The following MAP3K4 variants were observed in gnomAD, a reference collection of about 807,000 sequenced individuals.
MAP3K4 encodes mitogen-activated protein kinase kinase kinase 4.
In MAP3K4, 67 loss-of-function variants were observed where a neutral mutation model predicts 185.6. That is an observed-to-expected ratio of 0.36 (90% CI 0.30 to 0.44). The LOEUF (loss-of-function observed/expected upper bound fraction) is 0.44. Ranked by LOEUF, MAP3K4 falls within the 20% of genes least tolerant of loss-of-function variation. The pLI, the probability that MAP3K4 is intolerant of heterozygous loss-of-function variation, is 1.00. For synonymous variants in MAP3K4, 702 were observed against 710.4 expected, an observed-to-expected ratio of 0.99 and a Z score of 0.19; for missense variants, 1,551 against 1,995.1, an observed-to-expected ratio of 0.78 and a Z score of 4.24.
In MAP3K4 at chr6:160,992,410, C is replaced by T. The variant is rs571715097; in HGVS notation, c.152+327C>T. ...CGGCTGCCTCCCCTGCCGCTAGCTT[C>T]GGAAGAGTGGCCTCACTGAAGTGCC... On this transcript the variant is annotated intron_variant, in intron 1 of 26. Transcript: ENST00000392142. The T allele has an allele frequency of 2.0e-5, 8 of 402,802 alleles. No individual in the cohort carries two copies. In the East Asian group the frequency reaches 4.0e-4, roughly 20 times the overall value. The allele number at this position is 402,802 out of a possible 1,614,324, so 25.0% of individuals were successfully genotyped here. A position where few individuals can be genotyped will look rare whatever the true frequency, so the allele number is the denominator to read the frequency against.
At position 161,048,297 on chromosome 6, in the gene MAP3K4, T is replaced by C. The variant is rs1783830564; in HGVS notation, c.344-319T>C. On this transcript the variant is annotated intron_variant, in intron 2 of 26. Coordinates refer to ENST00000392142, the MANE Select transcript of MAP3K4 (RefSeq NM_005922.4). The surrounding 1 kb of genome is among the most constrained non-coding windows in gnomAD (Gnocchi z 4.7). ...TCTTCCTCCTTAAATTGAAGGTGAT[T>C]ACTTACGGAAATTTGGTTAAATGAT... 1 of 566,182 alleles carries C rather than the reference T, an allele frequency of 1.8e-6. No individual in the cohort carries two copies. Among genetic ancestry groups the C allele is most frequent in the African/African-American group, 1.9e-5 (1 of 53,520 alleles). 35.1% of individuals were successfully genotyped at this position (566,182 alleles called of 1,614,324 possible). A position where few individuals can be genotyped will look rare whatever the true frequency, so the allele number is the denominator to read the frequency against.
Position 161,107,780 on chromosome 6 carries a change from A to T in MAP3K4, c.4049-119A>T. 1 of 698,488 alleles carries T rather than the reference A, an allele frequency of 1.4e-6. No homozygotes were observed. Among genetic ancestry groups the T allele is most frequent in the Non-Finnish European group, 2.3e-6 (1 of 426,222 alleles). 43.3% of individuals were successfully genotyped at this position (698,488 alleles called of 1,614,324 possible). A position where few individuals can be genotyped will look rare whatever the true frequency, so the allele number is the denominator to read the frequency against. ...CTTGCAATAGTAAACTGCAGTAAAC[A>T]TAATTATAGATATATAAATATACGT... On this transcript the variant is annotated intron_variant, in intron 20 of 26. Coordinates refer to ENST00000392142, the MANE Select transcript of MAP3K4 (RefSeq NM_005922.4). The surrounding 1 kb of genome is among the most constrained non-coding windows in gnomAD (Gnocchi z 6.2).
intron 6 of MAP3K4, 46 bp downstream of exon 6, chr6:161,081,084 T>C: frequency 6.3e-7 from 1 of 1,584,256 alleles, no homozygotes; most frequent in Non-Finnish European, 8.6e-7. Context: ...ACCTTCTCAC[T>C]CTCACACCAT....
chr6:161,000,854 TACAC>T (rs1781248252), intron 1 of MAP3K4, among the ~76,000 whole-genome samples: 2 of 143,906 alleles, frequency 1.4e-5, no homozygotes, highest in Admixed American at 6.8e-5. Flanking sequence ...TACGCACATA[TACAC>T]ATGTGTACAC....
Position 161,084,253 on chromosome 6 carries a change from A to G in MAP3K4, c.2256-248A>G, listed in dbSNP as rs1785591085. The stretch of plus-strand genomic sequence containing the variant: ...GTGTACTAATTCCATAGCTACTATG[A>G]ATACAGTTTAAGATTTTAAGGTTTA... On this transcript the variant is annotated intron_variant, in intron 6 of 26. Coordinates refer to ENST00000392142, the MANE Select transcript of MAP3K4 (RefSeq NM_005922.4). The surrounding 1 kb of genome is among the most constrained non-coding windows in gnomAD (Gnocchi z 4.6). Among the ~76,000 whole-genome samples the G allele has an allele frequency of 2.0e-5, 3 of 152,248 alleles. No homozygotes were observed. The highest frequency in any genetic ancestry group is 2.0e-4 in the Admixed American group (3 of 15,282).
rs1358171561 is a variant in MAP3K4, at chr6:161,086,601, A to T, written c.2490A>T (p.Ala830=). Residue 830 remains alanine, a synonymous_variant, in exon 9 of 27, where the codon GCA becomes GCT. Coordinates refer to ENST00000392142, the MANE Select transcript of MAP3K4 (RefSeq NM_005922.4). The surrounding 1 kb of genome is among the most constrained non-coding windows in gnomAD (Gnocchi z 4.8). ...GATCCTAGGACCTGGAAATAGCAGCAGAATTCAGGCTTTCAGCCCCAGTTA... is the reference window on the plus strand; with the variant it reads ...GATCCTAGGACCTGGAAATAGCAGCTGAATTCAGGCTTTCAGCCCCAGTTA... ...KMLRKDLEIA[A]EFRLSAPVRD... The T allele has an allele frequency of 1.2e-6, 2 of 1,614,076 alleles. No individual in the cohort carries two copies. The highest frequency in any genetic ancestry group is 1.7e-6 in the Non-Finnish European group (2 of 1,179,986).
intron 6 of MAP3K4, among the ~76,000 whole-genome samples, chr6:161,081,995 A>C (rs1306215425): frequency 5.3e-5 from 8 of 151,966 alleles, no homozygotes; most frequent in Non-Finnish European, 1.0e-4. Flanking sequence ...TGACTTCTGC[A>C]GGACTCTAGC....
In MAP3K4 at chr6:161,022,030, A is replaced by G. The variant is rs1782422868; in HGVS notation, c.153-12229A>G. Among the ~76,000 whole-genome samples, 1 of 152,194 alleles carries G rather than the reference A, an allele frequency of 6.6e-6. No homozygotes were observed. The highest frequency in any genetic ancestry group is 1.5e-5 in the Non-Finnish European group (1 of 68,026). On this transcript the variant is annotated intron_variant, in intron 1 of 26. Transcript: ENST00000392142. This position sits in a 1 kb window ranked among gnomAD's most constrained non-coding sequence, Gnocchi z 4.2. ...TATAGAATCCTGTTTTCAATGAAAA[A>G]GAAAAAAGAAGAGTTGTTGTTAATT...
rs1265660733 is a variant in MAP3K4 at position 161,114,420 on chromosome 6, C to T, written c.4627-703C>T. Among the ~76,000 whole-genome samples, 1 of 152,184 alleles carries T rather than the reference C, an allele frequency of 6.6e-6. No homozygotes were observed. On this transcript the variant is annotated intron_variant, in intron 25 of 26. Coordinates refer to ENST00000392142, the MANE Select transcript of MAP3K4 (RefSeq NM_005922.4). This position sits in a 1 kb window ranked among gnomAD's most constrained non-coding sequence, Gnocchi z 4.3. ...TCAGTTAATTATAATGTAGCTATGC[C>T]TTGCAGCTGCTGAAACAGATCACAT...
Position 161,071,852 on chromosome 6 carries a change from T to C in MAP3K4, c.1950+1002T>C, listed in dbSNP as rs947536967. ...TTTTAACTCATCCTCATAATCGCAG[T>C]GGTTATCTAGGACATTTTGGGAAAA... On this transcript the variant is annotated intron_variant, in intron 4 of 26. Transcript: ENST00000392142. The surrounding 1 kb of genome is among the most constrained non-coding windows in gnomAD (Gnocchi z 4.6). Among the ~76,000 whole-genome samples, 1 of 152,202 alleles carries C rather than the reference T, an allele frequency of 6.6e-6. No individual in the cohort carries two copies. The highest frequency in any genetic ancestry group is 1.5e-5 in the Non-Finnish European group (1 of 68,022).
Position 161,049,664 on chromosome 6 carries a change from A to G in MAP3K4, c.1392A>G (p.Glu464=). Residue 464 remains glutamate (E), a synonymous_variant, in exon 3 of 27, where the codon GAA becomes GAG. Coordinates refer to ENST00000392142, the MANE Select transcript of MAP3K4 (RefSeq NM_005922.4). The surrounding 1 kb of genome is among the most constrained non-coding windows in gnomAD (Gnocchi z 8.4). ...LESSTDESEE[E]QISDPRVPEI... is the part of the protein sequence containing the mutation. ...GTAGTACGGATGAGAGTGAAGAAGA[A>G]CAAATCTCTGATCCTAGGGTACCGG... The G allele has an allele frequency of 6.2e-7, 1 of 1,614,162 alleles. No individual in the cohort carries two copies. Among genetic ancestry groups the G allele is most frequent in the Non-Finnish European group, 8.5e-7 (1 of 1,180,026 alleles).
Position 161,049,272 on chromosome 6 carries a change from A to G in MAP3K4, c.1000A>G (p.Ile334Val), listed in dbSNP as rs779997566. Reference sequence around the variant, plus strand: ...GTGCAAAGCCACTCCTGGAACAAAGATTGTAGGTTACTCAACACATCATGA... The same window carrying G: ...GTGCAAAGCCACTCCTGGAACAAAGGTTGTAGGTTACTCAACACATCATGA... ...GQCKATPGTK[I>V]VGYSTHHEHL... is the part of the protein sequence containing the mutation. Residue 334 changes from isoleucine (I) to valine (V), a missense_variant, in exon 3 of 27, where the codon ATT (isoleucine) becomes GTT (valine). Physicochemically the swap from Ile to Val is conservative, Grantham distance 29 (BLOSUM62 3). This residue lies in a region of MAP3K4 where 93 missense variants were observed against 96.7 expected (regional missense o/e 0.96). Coordinates refer to ENST00000392142, the MANE Select transcript of MAP3K4 (RefSeq NM_005922.4). The surrounding 1 kb of genome is among the most constrained non-coding windows in gnomAD (Gnocchi z 8.4). The G allele has an allele frequency of 2.5e-6, 4 of 1,614,176 alleles. No homozygotes were observed. Among genetic ancestry groups the G allele is most frequent in the South Asian group, 2.2e-5 (2 of 91,080 alleles).
At chr6:161,026,733 C>CTTTTTT (rs553664182) in intron 1 of MAP3K4, among the ~76,000 whole-genome samples, 28 of 96,092 alleles carry the variant, frequency 2.9e-4, no homozygotes, top group East Asian at 5.9e-4. Context: ...GTTCTCTCTC[C>CTTTTTT]TTTTTTTTTT....
chr6:161,094,014 G>A (rs1023710716), intron 15 of MAP3K4, among the ~76,000 whole-genome samples, 163 bp downstream of exon 15: 3 of 152,212 alleles, frequency 2.0e-5, no homozygotes, highest in African/African-American at 4.8e-5. Context: ...AGAGAACTCC[G>A]CAGCAACCTT....
Position 161,102,692 on chromosome 6 carries a change from C to T in MAP3K4, c.3776-7C>T. ...ATCTTAATTTGTATAAAAATAACTT[C>T]CTGCAGAACCAGCATATCCAAGAGG... On this transcript the variant is annotated splice_region_variant and splice_polypyrimidine_tract_variant and intron_variant, in intron 18 of 26. Transcript: ENST00000392142. The T allele has an allele frequency of 6.4e-7, 1 of 1,551,572 alleles. No homozygotes were observed. Among genetic ancestry groups the T allele is most frequent in the Non-Finnish European group, 8.7e-7 (1 of 1,152,046 alleles).
At chr6:161,095,288 A>C (rs1262632965) in intron 15 of MAP3K4, among the ~76,000 whole-genome samples, 1 of 152,208 alleles carries the variant, frequency 6.6e-6, no homozygotes, top group Non-Finnish European at 1.5e-5. Flanking sequence ...TTTTTAATGA[A>C]TGAAACTGGA....
chr6:161,041,912 C>G (rs9654566), intron 2 of MAP3K4, among the ~76,000 whole-genome samples: 1 of 64,046 alleles, frequency 1.6e-5, no homozygotes, highest in Admixed American at 2.1e-4. Flanking sequence ...GTTATTGTTT[C>G]TTTTTTTTTT....
At position 161,100,609 on chromosome 6, in the gene MAP3K4, C is replaced by G. The variant is rs1028528507; in HGVS notation, c.3675-1283C>G. Among the ~76,000 whole-genome samples, 1 of 152,200 alleles carries G rather than the reference C, an allele frequency of 6.6e-6. No homozygotes were observed. The highest frequency in any genetic ancestry group is 1.5e-5 in the Non-Finnish European group (1 of 68,034). On this transcript the variant is annotated intron_variant, in intron 17 of 26. Transcript: ENST00000392142. The surrounding 1 kb of genome is among the most constrained non-coding windows in gnomAD (Gnocchi z 5.8). ...AACTCTACAACCCACCTCCCCATCC[C>G]CGACATCCCCCACCAGAGCTAGTCG...
rs374604361 is a variant in MAP3K4, at chr6:161,030,769, ACT to A, written c.153-3487_153-3486del. Reference sequence around the variant, plus strand: ...GTGAATGTTATTTATTAGGTGCTAGACTCTTTTTAAAAGAAAGTTTCTTTAAA... The same window carrying A: ...GTGAATGTTATTTATTAGGTGCTAGACTTTTTAAAAGAAAGTTTCTTTAAA... On this transcript the variant is annotated intron_variant, in intron 1 of 26. Transcript: ENST00000392142. Among the ~76,000 whole-genome samples the A allele has an allele frequency of 4.2e-4, 64 of 151,904 alleles. No homozygotes were observed. In the East Asian group the frequency reaches 0.011, roughly 26 times the overall value.
Sources: allele counts gnomAD v4.1 joint callset (sites outside exome capture counted in the v4.1 genomes callset), GRCh38; gene constraint gnomAD v4.1.1; regional missense constraint gnomAD v4.1.1; non-coding constraint Gnocchi (gnomAD v3.1); transcripts MANE v1.5; gene names NCBI Gene and HGNC (gene_info 2026-07-23, HGNC 2026-07-21).